The following PXDNL variants were observed in gnomAD, a reference collection of about 807,000 sequenced individuals.
PXDNL encodes peroxidasin like.
A neutral mutation model predicts 150.8 loss-of-function variants in PXDNL; 145 were observed. The observed-to-expected ratio is 0.96, with a 90% CI of 0.84 to 1.10. The LOEUF (loss-of-function observed/expected upper bound fraction) is 1.10, where lower values mean the gene tolerates loss of function less well. Among genes scored for constraint, PXDNL ranks in the 50% least tolerant of loss-of-function variants. The pLI, the probability that PXDNL is intolerant of heterozygous loss-of-function variation, is 0.00. For missense variants in PXDNL, 2,087 were observed against 1,873.9 expected, an observed-to-expected ratio of 1.11 and a Z score of -2.10; for synonymous variants, 757 against 725.7, an observed-to-expected ratio of 1.04 and a Z score of -0.69.
intron 4 of PXDNL, among the ~76,000 whole-genome samples, chr8:51,526,796 A>T (rs982806193): frequency 3.9e-5 from 6 of 152,132 alleles, no homozygotes; most frequent in Admixed American, 6.5e-5. Flanking sequence ...CTCTATCCTG[A>T]TGACTTTCCA....
chr8:51,381,147 A>C (rs2130810389), intron 17 of PXDNL, among the ~76,000 whole-genome samples: 2 of 152,294 alleles, frequency 1.3e-5, no homozygotes, highest in South Asian at 2.1e-4. Context: ...TGAGAAAGTA[A>C]GTTAGATAGT....
chr8:51,759,834 CT>C (rs2037142530), intron 1 of PXDNL, among the ~76,000 whole-genome samples: 2 of 152,190 alleles, frequency 1.3e-5, no homozygotes, highest in Non-Finnish European at 2.9e-5. Flanking sequence ...AAATATCTTG[CT>C]TGGTGACAGG....
intron 3 of PXDNL, among the ~76,000 whole-genome samples, chr8:51,578,117 A>G (rs537119239): frequency 2.9e-5 from 4 of 140,032 alleles, no homozygotes; most frequent in East Asian, 3.9e-4. Context: ...AAAGAAAGAA[A>G]GAAGGAAAGA....
chr8:51,750,459 AT>A (rs1291683790), intron 1 of PXDNL, among the ~76,000 whole-genome samples: 1 of 152,172 alleles, frequency 6.6e-6, no homozygotes, highest in Non-Finnish European at 1.5e-5. Flanking sequence ...TGCGTAATGC[AT>A]TGCTCTATGG....
At chr8:51,774,322 A>C (rs1306853271) in intron 1 of PXDNL, among the ~76,000 whole-genome samples, 1 of 152,220 alleles carries the variant, frequency 6.6e-6, no homozygotes, top group Non-Finnish European at 1.5e-5. Flanking sequence ...AATAGTACTC[A>C]CTAGTTAATA....
chr8:51,633,208 C>T (rs190723163), intron 2 of PXDNL, among the ~76,000 whole-genome samples: 3 of 152,286 alleles, frequency 2.0e-5, no homozygotes, highest in Middle Eastern at 3.4e-3. Context: ...GCTGCATCCA[C>T]GTTACTGCAA....
chr8:51,755,170 C>A (rs1375605053), intron 1 of PXDNL, among the ~76,000 whole-genome samples: 1 of 152,086 alleles, frequency 6.6e-6, no homozygotes, highest in East Asian at 1.9e-4. Context: ...ACAGTGAAAT[C>A]TAGTAAATTA....
At chr8:51,461,500 G>A (rs1055287263) in intron 8 of PXDNL, among the ~76,000 whole-genome samples, 1 of 152,220 alleles carries the variant, frequency 6.6e-6, no homozygotes, top group Non-Finnish European at 1.5e-5. Context: ...AGTCCCTGCA[G>A]CCATCTGCTG....
chr8:51,699,978 G>C (rs959716560), intron 1 of PXDNL, among the ~76,000 whole-genome samples: 2 of 152,070 alleles, frequency 1.3e-5, no homozygotes, highest in Non-Finnish European at 2.9e-5. Flanking sequence ...TGATAATAAT[G>C]AAAAGGTTTG....
At chr8:51,790,174 T>C (rs930231352) in intron 1 of PXDNL, among the ~76,000 whole-genome samples, 1 of 112,296 alleles carries the variant, frequency 8.9e-6, no homozygotes, top group African/African-American at 6.2e-5. Flanking sequence ...TGGGAACAAG[T>C]CAATTTTTTT....
At position 51,408,740 on chromosome 8, in the gene PXDNL, TGGCCCGGTGGTCCCC is replaced by T. The variant is rs2130887220; in HGVS notation, c.2869_2883del (p.Gly957_Ala961del). 6.3e-7 allele frequency: 1 copy of T among 1,588,148 alleles called. No homozygotes were observed. Among genetic ancestry groups the T allele is most frequent in the Non-Finnish European group, 8.6e-7 (1 of 1,167,222 alleles). On this transcript the variant is annotated inframe_deletion, in exon 17 of 23. Transcript: ENST00000356297. ...ATGGCGGCCAGAGCCAGATGCTCGT[TGGCCCGGTGGTCCCC>T]GGCCAGGAAACAGGGGCTCTCCTGC...
At chr8:51,427,940 C>A (rs925930571) in intron 12 of PXDNL, among the ~76,000 whole-genome samples, 1 of 152,038 alleles carries the variant, frequency 6.6e-6, no homozygotes, top group Non-Finnish European at 1.5e-5. Context: ...TAAAACTGTC[C>A]CTATTTGCAG....
chr8:51,804,311 G>A (rs925203732), intron 1 of PXDNL, among the ~76,000 whole-genome samples: 2 of 152,134 alleles, frequency 1.3e-5, no homozygotes, highest in African/African-American at 4.8e-5. Context: ...TGAGCAGAGG[G>A]GTGACTTTGA....
chr8:51,585,355 A>C (rs79076444), intron 3 of PXDNL, among the ~76,000 whole-genome samples: 2,248 of 152,228 alleles, frequency 0.015, 57 homozygotes, highest in African/African-American at 0.05. Flanking sequence ...GATATGTTCC[A>C]CCTCAGGGAG....
intron 17 of PXDNL, among the ~76,000 whole-genome samples, chr8:51,391,196 A>C (rs1807895870): frequency 1.3e-5 from 2 of 152,238 alleles, no homozygotes; most frequent in Admixed American, 1.3e-4. Flanking sequence ...GTGCCGCAAT[A>C]AACATATGTG....
rs565144757 is a variant in PXDNL at position 51,490,587 on chromosome 8, G to GTA, written c.453-6875_453-6874dup. ...CAATGAATGGACGAAATATGTATAT[G>GTA]TATATATATATATTTAGTGGACTTT... On this transcript the variant is annotated intron_variant, in intron 5 of 22. Transcript: ENST00000356297. Among the ~76,000 whole-genome samples, 74 of 149,362 alleles carry GTA rather than the reference G, an allele frequency of 5.0e-4. No homozygotes were observed. The Middle Eastern group carries it at 0.011, about 22-fold the overall frequency.
chr8:51,539,420 G>C (rs1395661375), intron 4 of PXDNL, among the ~76,000 whole-genome samples: 1 of 151,988 alleles, frequency 6.6e-6, no homozygotes. Flanking sequence ...ATATAGTTAT[G>C]TTGAAGGTTT....
intron 6 of PXDNL, among the ~76,000 whole-genome samples, chr8:51,480,557 A>C (rs1207223894): frequency 1.3e-5 from 2 of 152,184 alleles, no homozygotes; most frequent in Non-Finnish European, 1.5e-5. Context: ...TTACAATTGC[A>C]CATGAGATTT....
intron 4 of PXDNL, among the ~76,000 whole-genome samples, chr8:51,530,381 C>T (rs993928270): frequency 2.0e-5 from 3 of 151,920 alleles, no homozygotes; most frequent in Non-Finnish European, 4.4e-5. Context: ...AACAGTTCTC[C>T]GCTGCTCCTC....
Sources: allele counts gnomAD v4.1 joint callset (sites outside exome capture counted in the v4.1 genomes callset), GRCh38; gene constraint gnomAD v4.1.1; transcripts MANE v1.5; gene names NCBI Gene and HGNC (gene_info 2026-07-23, HGNC 2026-07-21).